Variants in NELL1 observed in about 807,000 individuals in gnomAD.
NELL1 encodes the protein protein kinase C-binding protein NELL1.
A neutral mutation model predicts 107.4 loss-of-function variants in NELL1; 76 were observed. The ratio of observed to expected loss-of-function variants is 0.71; its 90% CI spans 0.59 to 0.86. NELL1 has a LOEUF of 0.86. Ranked by LOEUF, NELL1 falls within the 40% of genes least tolerant of loss-of-function variation. NELL1 has a pLI of 0.00. For missense variants in NELL1, 1,024 were observed against 1,005.5 expected, an observed-to-expected ratio of 1.02 and a Z score of -0.25; for synonymous variants, 353 against 341.2, an observed-to-expected ratio of 1.03 and a Z score of -0.38.
chr11:21,428,322 T>G (rs1852883076), intron 15 of NELL1, among the ~76,000 whole-genome samples: 1 of 152,166 alleles, frequency 6.6e-6, no homozygotes, highest in Non-Finnish European at 1.5e-5. Flanking sequence ...GTAAAATTAA[T>G]CAGCATTAGT....
At chr11:21,116,618 C>T (rs530363633) in intron 13 of NELL1, among the ~76,000 whole-genome samples, 6 of 152,060 alleles carry the variant, frequency 3.9e-5, no homozygotes, top group African/African-American at 1.4e-4. Flanking sequence ...CACCATTTAC[C>T]CAATTTTTCT....
chr11:20,830,343 G>C (rs115258207), intron 3 of NELL1, among the ~76,000 whole-genome samples: 139 of 152,042 alleles, frequency 9.1e-4, no homozygotes, highest in African/African-American at 3.3e-3. Flanking sequence ...CTGTGGGTCT[G>C]TTTATGGAAG....
intron 15 of NELL1, among the ~76,000 whole-genome samples, chr11:21,530,601 A>G (rs1054067783): frequency 2.0e-5 from 3 of 152,114 alleles, no homozygotes; most frequent in African/African-American, 7.2e-5. Flanking sequence ...AATTATAATC[A>G]TGATTAAAAT....
chr11:21,207,671 T>A (rs1003781826), intron 13 of NELL1, among the ~76,000 whole-genome samples: 39 of 152,302 alleles, frequency 2.6e-4, no homozygotes, highest in African/African-American at 9.1e-4. Flanking sequence ...CAGAATCTGT[T>A]CAGATCTGAG....
At chr11:20,761,558 G>C (rs186361658) in intron 2 of NELL1, among the ~76,000 whole-genome samples, 41 of 152,288 alleles carry the variant, frequency 2.7e-4, no homozygotes, top group African/African-American at 9.4e-4. Flanking sequence ...TCTTAGATTT[G>C]TTTGTAAAGC....
rs763047552 is a variant in NELL1 at position 21,372,118 on chromosome 11, T to TA, written c.1645+1178dup. 2.7e-4 allele frequency among the ~76,000 whole-genome samples: 41 copies of TA among 151,828 alleles called. 1 individual carries two copies. The highest frequency in any genetic ancestry group is 6.3e-4 in the African/African-American group (26 of 41,456). ...ATAACAAATAATAACTGTTTTTTCT[T>TA]AAAAAAAACATATGAAAGAACCATG... On this transcript the variant is annotated intron_variant, in intron 15 of 19. Coordinates refer to ENST00000357134, the MANE Select transcript of NELL1 (RefSeq NM_006157.5).
At chr11:20,945,089 G>A (rs1326177469) in intron 10 of NELL1, among the ~76,000 whole-genome samples, 1 of 152,158 alleles carries the variant, frequency 6.6e-6, no homozygotes, top group Non-Finnish European at 1.5e-5. Context: ...CAGCAAGAGT[G>A]AAATTTATTT....
chr11:21,487,397 A>G (rs1854662331), intron 15 of NELL1, among the ~76,000 whole-genome samples: 1 of 152,188 alleles, frequency 6.6e-6, no homozygotes, highest in Non-Finnish European at 1.5e-5. Context: ...TTCCCAGAGA[A>G]GCAAATGCTT....
chr11:21,435,401 T>TG (rs1031086507), intron 15 of NELL1, among the ~76,000 whole-genome samples: 44 of 151,430 alleles, frequency 2.9e-4, no homozygotes, highest in African/African-American at 7.0e-4. Flanking sequence ...TTTGTTTGTT[T>TG]TTTACCATGA....
At chr11:20,997,394 A>G (rs4923240) in intron 12 of NELL1, among the ~76,000 whole-genome samples, 75,915 of 152,068 alleles carry the variant, frequency 0.5, 20,742 homozygotes, top group African/African-American at 0.73. Flanking sequence ...AGATTCTATC[A>G]CCCCAAGTCA....
At chr11:21,571,205 G>C (rs1445908423) in intron 18 of NELL1, among the ~76,000 whole-genome samples, 3 of 151,830 alleles carry the variant, frequency 2.0e-5, no homozygotes, top group Admixed American at 6.6e-5. Context: ...TCAAGATCAA[G>C]AAAAATCTCT....
At chr11:21,465,735 T>C (rs962716862) in intron 15 of NELL1, among the ~76,000 whole-genome samples, 5 of 152,054 alleles carry the variant, frequency 3.3e-5, no homozygotes, top group African/African-American at 7.2e-5. Flanking sequence ...AAAAGCTCAT[T>C]CTAAAACACA....
chr11:20,844,771 T>C (rs902982899), intron 3 of NELL1, among the ~76,000 whole-genome samples: 4 of 152,228 alleles, frequency 2.6e-5, no homozygotes, highest in African/African-American at 9.6e-5. Flanking sequence ...TCTGGGAGTT[T>C]TGTTGGAATA....
At chr11:20,816,180 T>C (rs1315369393) in intron 3 of NELL1, among the ~76,000 whole-genome samples, 2 of 152,234 alleles carry the variant, frequency 1.3e-5, no homozygotes, top group African/African-American at 4.8e-5. Context: ...TTTTCAATTC[T>C]GTTAAAAATG....
chr11:21,269,120 G>C (rs1453239434), intron 14 of NELL1, among the ~76,000 whole-genome samples: 1 of 151,542 alleles, frequency 6.6e-6, no homozygotes, highest in African/African-American at 2.4e-5. Flanking sequence ...CAAAGAAAAA[G>C]AAAACTGAGA....
intron 12 of NELL1, among the ~76,000 whole-genome samples, chr11:21,059,379 G>A (rs1853685215): frequency 6.6e-6 from 1 of 151,322 alleles, no homozygotes; most frequent in Non-Finnish European, 1.5e-5. Flanking sequence ...TTTTCCAGCT[G>A]CTTTTCATAC....
At chr11:20,927,242 C>A in intron 7 of NELL1, 66 bp from the exon 8 acceptor site, 2 of 1,451,428 alleles carry the variant, frequency 1.4e-6, no homozygotes, top group Non-Finnish European at 1.9e-6. Context: ...TTTCTTGTTG[C>A]TATTAGCTTT....
intron 15 of NELL1, among the ~76,000 whole-genome samples, chr11:21,460,606 G>T (rs919596222): frequency 6.6e-6 from 1 of 152,038 alleles, no homozygotes; most frequent in African/African-American, 2.4e-5. Flanking sequence ...TTATAAATGC[G>T]AGAGCATTGA....
chr11:20,700,832 A>G (rs1488287385), intron 2 of NELL1, among the ~76,000 whole-genome samples: 1 of 152,180 alleles, frequency 6.6e-6, no homozygotes, highest in Non-Finnish European at 1.5e-5. Flanking sequence ...TACAAAGGAC[A>G]TGAACTTATC....
Sources: gnomAD v4.1 joint callset for allele counts (sites outside exome capture counted in the v4.1 genomes callset) on GRCh38, gnomAD v4.1.1 for gene constraint, MANE v1.5 for transcripts, NCBI Gene and HGNC (gene_info 2026-07-23, HGNC 2026-07-21) for gene names.